Variants in NCF2 observed in about 807,000 individuals in gnomAD.
The protein encoded by NCF2 is neutrophil cytosolic factor 2, also known as neutrophil cytosol factor 2.
In NCF2, 45 loss-of-function variants were observed where a neutral mutation model predicts 70.9. That is an observed-to-expected ratio of 0.63 (90% confidence interval 0.50 to 0.81). NCF2 has a LOEUF of 0.81. NCF2 is among the 40% of genes least tolerant of loss of function. The pLI is 0.00. For synonymous variants in NCF2, 203 were observed against 233.6 expected, an observed-to-expected ratio of 0.87 and a Z score of 1.19; for missense variants, 522 against 631.6, an observed-to-expected ratio of 0.83 and a Z score of 1.86.
At chr1:183,591,937 G>A (rs1004375418), upstream of NCF2, among the ~76,000 whole-genome samples, 2 of 152,140 alleles carry the variant, frequency 1.3e-5, no homozygotes, top group African/African-American at 4.8e-5. Flanking sequence ...GATGACTAAT[G>A]GATTTACTAG....
At position 183,563,470 on chromosome 1, in the gene NCF2, T is replaced by C; in HGVS notation, c.1142A>G (p.Lys381Arg). 1 of 1,614,226 alleles carries C rather than the reference T, an allele frequency of 6.2e-7. No individual in the cohort carries two copies. The highest frequency in any genetic ancestry group is 8.5e-7 in the Non-Finnish European group (1 of 1,180,040). Reference sequence around the variant, plus strand: ...GTGTTCCAGCCGGAGCTCCAGTTTCTTAGACACCATGTCCCGGACCTGGCT... The same window carrying C: ...GTGTTCCAGCCGGAGCTCCAGTTTCCTAGACACCATGTCCCGGACCTGGCT... Reference protein sequence around the residue: ...PYSQVRDMVSKKLELRLEHTK... With the variant: ...PYSQVRDMVSRKLELRLEHTK... The change falls in exon 12 of 15, where the codon AAG (lysine) becomes AGG (arginine). Residue 381 changes from lysine to arginine, a missense_variant. Coordinates refer to ENST00000367535, the MANE Select transcript of NCF2 (RefSeq NM_000433.4).
chr1:183,563,781 C>G lies in NCF2; in HGVS notation c.1027-196G>C. 4 of 817,598 alleles carry G rather than the reference C, an allele frequency of 4.9e-6. No homozygotes were observed. In the South Asian group the frequency reaches 6.3e-5, roughly 13 times the overall value. 50.6% of individuals were successfully genotyped at this position (817,598 alleles called of 1,614,324 possible). A position where few individuals can be genotyped will look rare whatever the true frequency, so the allele number is the denominator to read the frequency against. On this transcript the variant is annotated intron_variant, in intron 11 of 14. Coordinates refer to ENST00000367535, the MANE Select transcript of NCF2 (RefSeq NM_000433.4). Reference sequence around the variant, plus strand: ...CCAACCCTTGCTTGGACAGGAATTCCTACTGAGTAAGATCTGGCCCACTAG... The same window carrying G: ...CCAACCCTTGCTTGGACAGGAATTCGTACTGAGTAAGATCTGGCCCACTAG...
chr1:183,559,994 T>C (rs1271593952), intron 14 of NCF2, 102 bp downstream of exon 14: 1 of 1,345,308 alleles, frequency 7.4e-7, no homozygotes, highest in Non-Finnish European at 1.1e-6. Flanking sequence ...AAACACTGGC[T>C]AAAGTTTTGT....
chr1:183,582,852 G>A (rs567940296), intron 2 of NCF2, among the ~76,000 whole-genome samples: 48 of 152,288 alleles, frequency 3.2e-4, no homozygotes, highest in African/African-American at 1.1e-3. Context: ...CTAGAGAGGC[G>A]AGACAGCTTG....
At chr1:183,593,206 C>G (rs1039987064), upstream of NCF2, among the ~76,000 whole-genome samples, 1 of 152,152 alleles carries the variant, frequency 6.6e-6, no homozygotes, top group Non-Finnish European at 1.5e-5. Flanking sequence ...AGGGCACTAG[C>G]AAAGCCATTC....
chr1:183,592,902 T>C (rs1673713675), upstream of NCF2, among the ~76,000 whole-genome samples: 1 of 152,168 alleles, frequency 6.6e-6, no homozygotes, highest in South Asian at 2.1e-4. Flanking sequence ...GTGCGACTCG[T>C]GCTAGTTCCT....
upstream of NCF2, among the ~76,000 whole-genome samples, chr1:183,594,124 C>A (rs1410138242): frequency 2.0e-5 from 3 of 152,224 alleles, no homozygotes; most frequent in African/African-American, 7.2e-5. Flanking sequence ...TATCTGTTTT[C>A]TGCAAATCTG....
chr1:183,574,445 C>A (rs371775954), intron 4 of NCF2, 42 bp downstream of exon 4: 1 of 1,613,936 alleles, frequency 6.2e-7, no homozygotes, highest in African/African-American at 1.3e-5. Flanking sequence ...AAATGAGAAT[C>A]CAGTGACATC....
chr1:183,560,013 T>G (rs1215224307), intron 14 of NCF2, 83 bp downstream of exon 14: 1 of 1,444,114 alleles, frequency 6.9e-7, no homozygotes, highest in African/African-American at 1.4e-5. Context: ...GTTTGTAGAT[T>G]ATTGATATTT....
At chr1:183,579,086 G>A (rs1672934605) in intron 2 of NCF2, among the ~76,000 whole-genome samples, 1 of 152,192 alleles carries the variant, frequency 6.6e-6, no homozygotes, top group South Asian at 2.1e-4. Context: ...TTCTCTTGGA[G>A]ATAAGCCTGG....
chr1:183,582,262 C>T (rs1673153632), intron 2 of NCF2, among the ~76,000 whole-genome samples: 1 of 152,228 alleles, frequency 6.6e-6, no homozygotes, highest in Non-Finnish European at 1.5e-5. Flanking sequence ...TGGAAGCATC[C>T]CCCAGGAGGC....
chr1:183,564,095 T>C, intron 10 of NCF2, 65 bp from the exon 11 acceptor site: 1 of 1,492,456 alleles, frequency 6.7e-7, no homozygotes, highest in South Asian at 1.1e-5. Flanking sequence ...GGCCAGCCCC[T>C]GCCACACACA....
intron 2 of NCF2, among the ~76,000 whole-genome samples, chr1:183,581,603 G>A (rs1673080620): frequency 1.3e-5 from 2 of 151,662 alleles, no homozygotes; most frequent in African/African-American, 4.8e-5. Flanking sequence ...TACAAAGACT[G>A]CAACTGTGAG....
chr1:183,587,321 C>T lies in NCF2; in HGVS notation c.175-344G>A, dbSNP rs572564154. On this transcript the variant is annotated intron_variant, in intron 1 of 14. Transcript: ENST00000367535. ...ACAAGAATCCAATAATTCCCAGGTGCGGTTGCTCACACCTGTAATCCCAGC... is the reference window on the plus strand; with the variant it reads ...ACAAGAATCCAATAATTCCCAGGTGTGGTTGCTCACACCTGTAATCCCAGC... Among the ~76,000 whole-genome samples, 19 of 152,178 alleles carry T rather than the reference C, an allele frequency of 1.2e-4. No homozygotes were observed. The East Asian group carries it at 2.1e-3, about 17-fold the overall frequency.
At chr1:183,595,407 T>C (rs1226115280), upstream of NCF2, among the ~76,000 whole-genome samples, 4 of 152,240 alleles carry the variant, frequency 2.6e-5, no homozygotes, top group Admixed American at 1.3e-4. Context: ...GGTTTTCCGT[T>C]GCTGCATGAC....
intron 1 of NCF2, among the ~76,000 whole-genome samples, chr1:183,588,323 T>A (rs1269442640): frequency 6.6e-6 from 1 of 151,836 alleles, no homozygotes; most frequent in African/African-American, 2.4e-5. Flanking sequence ...AAATGAAACA[T>A]CATTAGACGG....
chr1:183,566,897 G>A lies in NCF2; in HGVS notation c.924+23C>T, dbSNP rs147180870. 3.1e-5 allele frequency: 50 copies of A among 1,613,360 alleles called. No homozygotes were observed. In the Middle Eastern group the frequency reaches 5.5e-4, roughly 18 times the overall value. ...ATCCCTAAAGGGTGAGAGGAAATGGGTCAGGCCTTGGCATCACATTACCTG... is the reference window on the plus strand; with the variant it reads ...ATCCCTAAAGGGTGAGAGGAAATGGATCAGGCCTTGGCATCACATTACCTG... On this transcript the variant is annotated intron_variant, in intron 9 of 14. Coordinates refer to ENST00000367535, the MANE Select transcript of NCF2 (RefSeq NM_000433.4).
chr1:183,584,736 G>A (rs1213072849), intron 2 of NCF2, among the ~76,000 whole-genome samples: 3 of 152,144 alleles, frequency 2.0e-5, no homozygotes, highest in Non-Finnish European at 2.9e-5. Flanking sequence ...GTCTGGAGAC[G>A]GGGTAAGGGG....
Position 183,567,194 on chromosome 1 carries a change from C to T in NCF2, c.855+10G>A, listed in dbSNP as rs763690773. 4 of 1,614,056 alleles carry T rather than the reference C, an allele frequency of 2.5e-6. No homozygotes were observed. In the South Asian group the frequency reaches 3.3e-5, roughly 13 times the overall value. ...ATGCCCATCGCACCAGCCCCTGATC[C>T]TCTGCATACCTGCCCGTTGAACATG... On this transcript the variant is annotated intron_variant, in intron 8 of 14. Transcript: ENST00000367535.
Sources: gnomAD v4.1 joint callset for allele counts (sites outside exome capture counted in the v4.1 genomes callset) on GRCh38, gnomAD v4.1.1 for gene constraint, MANE v1.5 for transcripts, NCBI Gene and HGNC (gene_info 2026-07-23, HGNC 2026-07-21) for gene names.